SLC35F1: variants seen among roughly 807,000 people sequenced by gnomAD.
The protein encoded by SLC35F1 is solute carrier family 35 member F1, also known as chromosome 6 open reading frame 169.
A neutral mutation model predicts 48.7 loss-of-function variants in SLC35F1; 14 were observed. That is an observed-to-expected ratio of 0.29 (90% CI 0.19 to 0.45). The LOEUF is 0.45. SLC35F1 is among the 20% of genes least tolerant of loss of function. The pLI, the probability that SLC35F1 is intolerant of heterozygous loss-of-function variation, is 1.00. For synonymous variants in SLC35F1, 190 were observed against 202.2 expected, an observed-to-expected ratio of 0.94 and a Z score of 0.51; for missense variants, 404 against 500.0, an observed-to-expected ratio of 0.81 and a Z score of 1.83.
intron 1 of SLC35F1, among the ~76,000 whole-genome samples, chr6:117,959,654 G>A (rs1354726094): frequency 6.6e-6 from 1 of 152,270 alleles, no homozygotes; most frequent in East Asian, 1.9e-4. Flanking sequence ...GATGAATAAT[G>A]TGTGGATTAA....
chr6:118,143,384 CCT>C, intron 1 of SLC35F1, among the ~76,000 whole-genome samples: 1 of 152,194 alleles, frequency 6.6e-6, no homozygotes, highest in South Asian at 2.1e-4. Context: ...AAGGTTGCCC[CCT>C]CTTTCCTACT....
intron 1 of SLC35F1, among the ~76,000 whole-genome samples, chr6:117,921,138 T>C (rs1439293514): frequency 6.6e-6 from 1 of 151,962 alleles, no homozygotes; most frequent in Non-Finnish European, 1.5e-5. Context: ...TAATTGATGA[T>C]AGCCCCCCAA....
chr6:118,049,236 T>C (rs1772348164), intron 1 of SLC35F1, among the ~76,000 whole-genome samples: 3 of 152,124 alleles, frequency 2.0e-5, no homozygotes, highest in Admixed American at 6.5e-5. Context: ...AAGACTTAAA[T>C]GTTAGACCTA....
intron 1 of SLC35F1, among the ~76,000 whole-genome samples, chr6:117,940,920 A>T (rs754096933): frequency 3.2e-4 from 49 of 152,126 alleles, no homozygotes; most frequent in Non-Finnish European, 5.7e-4. Context: ...AAATGTTAGG[A>T]TTACAGGTAT....
At chr6:117,973,574 A>T (rs1776669998) in intron 1 of SLC35F1, among the ~76,000 whole-genome samples, 1 of 151,544 alleles carries the variant, frequency 6.6e-6, no homozygotes, top group African/African-American at 2.4e-5. Flanking sequence ...TTTAATTTTT[A>T]ATATATATTT....
intron 1 of SLC35F1, among the ~76,000 whole-genome samples, chr6:117,990,097 A>C (rs1422970899): frequency 6.6e-6 from 1 of 152,108 alleles, no homozygotes; most frequent in Non-Finnish European, 1.5e-5. Context: ...CCCTTGGTTA[A>C]AAGTTGCTAA....
intron 1 of SLC35F1, among the ~76,000 whole-genome samples, chr6:118,022,841 C>T (rs1002259557): frequency 3.3e-5 from 5 of 151,474 alleles, no homozygotes; most frequent in Admixed American, 3.3e-4. Flanking sequence ...AGCTCCGCCT[C>T]CTGGGTTCGC....
intron 1 of SLC35F1, among the ~76,000 whole-genome samples, chr6:118,012,485 T>A (rs1276815156): frequency 1.3e-5 from 2 of 152,188 alleles, no homozygotes; most frequent in Non-Finnish European, 2.9e-5. Context: ...TGGGCTGAGA[T>A]GCCATGCTTT....
chr6:118,008,611 T>C (rs897744000), intron 1 of SLC35F1, among the ~76,000 whole-genome samples: 4 of 152,156 alleles, frequency 2.6e-5, no homozygotes, highest in Non-Finnish European at 4.4e-5. Context: ...CTTGCTGAAA[T>C]AGCCCAAGAA....
chr6:118,286,362 G>A (rs1376228102), intron 7 of SLC35F1, among the ~76,000 whole-genome samples: 1 of 152,074 alleles, frequency 6.6e-6, no homozygotes, highest in African/African-American at 2.4e-5. Context: ...GGGTGTAGAC[G>A]TTCCTGGAGC....
At chr6:118,251,692 A>G (rs1775577623) in intron 3 of SLC35F1, among the ~76,000 whole-genome samples, 1 of 152,174 alleles carries the variant, frequency 6.6e-6, no homozygotes. Flanking sequence ...GAGATTCTAA[A>G]TAGTTTTAAG....
At chr6:118,282,316 T>G (rs1775993743) in intron 6 of SLC35F1, among the ~76,000 whole-genome samples, 1 of 152,234 alleles carries the variant, frequency 6.6e-6, no homozygotes, top group South Asian at 2.1e-4. Context: ...CTGGCTATGC[T>G]TTGCTTGGGA....
intron 1 of SLC35F1, among the ~76,000 whole-genome samples, chr6:118,083,242 A>G (rs906395806): frequency 6.6e-6 from 1 of 152,188 alleles, no homozygotes; most frequent in Non-Finnish European, 1.5e-5. Flanking sequence ...TACTTCATTT[A>G]ATATTACCAA....
chr6:118,194,297 G>A (rs983909736), intron 2 of SLC35F1, among the ~76,000 whole-genome samples: 10 of 152,086 alleles, frequency 6.6e-5, no homozygotes, highest in Non-Finnish European at 1.3e-4. Context: ...TGTTCATGGA[G>A]GGGAAAAGAT....
intron 2 of SLC35F1, among the ~76,000 whole-genome samples, chr6:118,172,161 CA>C (rs146609294): frequency 2.2e-3 from 299 of 138,058 alleles, no homozygotes; most frequent in Non-Finnish European, 1.7e-3. Flanking sequence ...AACCTCCATT[CA>C]AAAAAAAAAA....
chr6:118,183,774 A>G (rs888326382), intron 2 of SLC35F1, among the ~76,000 whole-genome samples: 1 of 152,194 alleles, frequency 6.6e-6, no homozygotes, highest in Non-Finnish European at 1.5e-5. Flanking sequence ...CAGACTCTGC[A>G]ATTAATTTAA....
intron 1 of SLC35F1, among the ~76,000 whole-genome samples, chr6:117,962,738 A>G (rs886986633): frequency 3.9e-5 from 6 of 152,236 alleles, no homozygotes; most frequent in Admixed American, 1.3e-4. Context: ...CAAAGAAGAA[A>G]GTGTCTTCAT....
intron 2 of SLC35F1, among the ~76,000 whole-genome samples, chr6:118,167,981 A>T (rs1043759675): frequency 6.6e-6 from 1 of 152,150 alleles, no homozygotes; most frequent in African/African-American, 2.4e-5. Context: ...TCACAGCAGA[A>T]TAATTCATTA....
intron 1 of SLC35F1, among the ~76,000 whole-genome samples, chr6:118,098,764 G>A (rs533545993): frequency 2.0e-5 from 3 of 152,274 alleles, no homozygotes; most frequent in Non-Finnish European, 4.4e-5. Flanking sequence ...TATGTATAAT[G>A]TTTGGACAAA....
Sources: allele counts gnomAD v4.1 joint callset (sites outside exome capture counted in the v4.1 genomes callset), GRCh38; gene constraint gnomAD v4.1.1; transcripts MANE v1.5; gene names NCBI Gene and HGNC (gene_info 2026-07-23, HGNC 2026-07-21).